ARID3A: variants seen among roughly 807,000 people sequenced by gnomAD.
The protein encoded by ARID3A is AT-rich interaction domain 3A.
In ARID3A, 11 loss-of-function variants were observed where a neutral mutation model predicts 52.7. The observed-to-expected ratio is 0.21, with a 90% confidence interval of 0.13 to 0.35. The LOEUF is 0.35. Among genes scored for constraint, ARID3A ranks in the 10% least tolerant of loss-of-function variants. ARID3A has a pLI of 1.00. For missense variants in ARID3A, 721 were observed against 838.5 expected (o/e 0.86, Z 1.73); for synonymous variants, 404 against 359.4 (o/e 1.12, Z -1.40).
chr19:952,715 G>T (rs980821308), intron 3 of ARID3A, among the ~76,000 whole-genome samples: 3 of 152,184 alleles, frequency 2.0e-5, no homozygotes, highest in African/African-American at 7.2e-5. Flanking sequence ...TCCCCAGGTG[G>T]GGCCTCATGG....
At chr19:963,272 C>T (rs1168051972) in intron 4 of ARID3A, among the ~76,000 whole-genome samples, 1 of 152,262 alleles carries the variant, frequency 6.6e-6, no homozygotes, top group Admixed American at 6.5e-5. Flanking sequence ...GCCTGGGCCA[C>T]CTGCCCTCAC....
rs946934867 is a variant in ARID3A at position 959,630 on chromosome 19, A to G, written c.694-462A>G. Reference sequence around the variant, plus strand: ...CGGGAGAATAGATTTCTGTTGCTTTAAGCTGCAACGTGTGGCTGTAAGGGA... The same window carrying G: ...CGGGAGAATAGATTTCTGTTGCTTTGAGCTGCAACGTGTGGCTGTAAGGGA... On this transcript the variant is annotated intron_variant, in intron 3 of 8. Coordinates refer to ENST00000263620, the MANE Select transcript of ARID3A (RefSeq NM_005224.3). This position sits in a 1 kb window ranked among gnomAD's most constrained non-coding sequence, Gnocchi z 5.0. 1.3e-5 allele frequency among the ~76,000 whole-genome samples: 2 copies of G among 152,102 alleles called. No individual in the cohort carries two copies. Among genetic ancestry groups the G allele is most frequent in the Admixed American group, 1.3e-4 (2 of 15,266 alleles).
At position 941,024 on chromosome 19, in the gene ARID3A, G is replaced by T. The variant is rs895883222; in HGVS notation, c.693+8282G>T. Among the ~76,000 whole-genome samples, 1 of 152,072 alleles carries T rather than the reference G, an allele frequency of 6.6e-6. No individual in the cohort carries two copies. Among genetic ancestry groups the T allele is most frequent in the Non-Finnish European group, 1.5e-5 (1 of 67,974 alleles). On this transcript the variant is annotated intron_variant, in intron 3 of 8. Coordinates refer to ENST00000263620, the MANE Select transcript of ARID3A (RefSeq NM_005224.3). This position sits in a 1 kb window ranked among gnomAD's most constrained non-coding sequence, Gnocchi z 6.9. ...AGCCTTATCTGGCCCCTGCGCCACCGCCTGGCCGTCGGGTCACCGCCGCGG... is the reference window on the plus strand; with the variant it reads ...AGCCTTATCTGGCCCCTGCGCCACCTCCTGGCCGTCGGGTCACCGCCGCGG...
rs2037637608 is a variant in ARID3A at position 944,639 on chromosome 19, A to G, written c.693+11897A>G. Among the ~76,000 whole-genome samples, 1 of 151,914 alleles carries G rather than the reference A, an allele frequency of 6.6e-6. No individual in the cohort carries two copies. The highest frequency in any genetic ancestry group is 6.6e-5 in the Admixed American group (1 of 15,256). On this transcript the variant is annotated intron_variant, in intron 3 of 8. Coordinates refer to ENST00000263620, the MANE Select transcript of ARID3A (RefSeq NM_005224.3). This position sits in a 1 kb window ranked among gnomAD's most constrained non-coding sequence, Gnocchi z 5.9. ...TTCATTGTCTGGTTTTCGGGGGTGG[A>G]TTTTGAGACAGGGTCTCGTGCTGTC...
chr19:938,622 G>T lies in ARID3A; in HGVS notation c.693+5880G>T, dbSNP rs866411323. Among the ~76,000 whole-genome samples, 4 of 152,216 alleles carry T rather than the reference G, an allele frequency of 2.6e-5. No homozygotes were observed. Among genetic ancestry groups the T allele is most frequent in the African/African-American group, 9.6e-5 (4 of 41,466 alleles). On this transcript the variant is annotated intron_variant, in intron 3 of 8. Coordinates refer to ENST00000263620, the MANE Select transcript of ARID3A (RefSeq NM_005224.3). This position sits in a 1 kb window ranked among gnomAD's most constrained non-coding sequence, Gnocchi z 4.0. ...TTTCTTTTTGTCTGGAATGAAAGTG[G>T]TTAGACCAGGCCAGACCTCAGTGCT...
At chr19:940,428 G>C (rs923285120) in intron 3 of ARID3A, among the ~76,000 whole-genome samples, 1 of 152,090 alleles carries the variant, frequency 6.6e-6, no homozygotes, top group African/African-American at 2.4e-5. Flanking sequence ...GGCAGAGCTT[G>C]AGGGCACTTG....
Position 964,535 on chromosome 19 carries a change from G to A in ARID3A, c.950+104G>A, listed in dbSNP as rs369992382. 1.1e-5 allele frequency: 15 copies of A among 1,412,940 alleles called. No homozygotes were observed. Among genetic ancestry groups the A allele is most frequent in the South Asian group, 1.4e-5 (1 of 71,894 alleles). The allele number at this position is 1,412,940 out of a possible 1,614,324, so 87.5% of individuals were successfully genotyped here. ...GGGGTGGTGGGCAGCTGCAGAGGAG[G>A]GGGCAGTGGGCAGCCGCAAAGGGCA... is the stretch of plus-strand genomic sequence containing the variant. On this transcript the variant is annotated intron_variant, in intron 5 of 8. Coordinates refer to ENST00000263620, the MANE Select transcript of ARID3A (RefSeq NM_005224.3). This position sits in a 1 kb window ranked among gnomAD's most constrained non-coding sequence, Gnocchi z 5.7.
chr19:951,515 C>T (rs1233912467), intron 3 of ARID3A, among the ~76,000 whole-genome samples: 2 of 152,008 alleles, frequency 1.3e-5, no homozygotes, highest in Non-Finnish European at 2.9e-5. Flanking sequence ...TGCATCACTG[C>T]ACTCCAGCCT....
rs1319002002 is a variant in ARID3A, at chr19:960,582, C to A, written c.766+418C>A. 6.6e-6 allele frequency among the ~76,000 whole-genome samples: 1 copy of A among 151,976 alleles called. No individual in the cohort carries two copies. The highest frequency in any genetic ancestry group is 1.5e-5 in the Non-Finnish European group (1 of 67,960). On this transcript the variant is annotated intron_variant, in intron 4 of 8. Coordinates refer to ENST00000263620, the MANE Select transcript of ARID3A (RefSeq NM_005224.3). The surrounding 1 kb of genome is among the most constrained non-coding windows in gnomAD (Gnocchi z 4.3). ...GGGTGCAGGTGCGGCAGGACAGAAGCCCCCCGCCCGGCCGCGAGATGGCTT... is the reference window on the plus strand; with the variant it reads ...GGGTGCAGGTGCGGCAGGACAGAAGACCCCCGCCCGGCCGCGAGATGGCTT...
rs2038362312 is a variant in ARID3A, at chr19:975,605, A to C, written c.*3540A>C. ...TCAGGTAATAGGAGGAAAAAAAAAA[A>C]AACTTAAAAAAATTTTTAAAAAACA... On this transcript the variant is annotated 3_prime_UTR_variant, in exon 9 of 9. Coordinates refer to ENST00000263620, the MANE Select transcript of ARID3A (RefSeq NM_005224.3). 2 of 214,932 alleles carry C rather than the reference A, an allele frequency of 9.3e-6. No individual in the cohort carries two copies. Among genetic ancestry groups the C allele is most frequent in the Non-Finnish European group, 1.9e-5 (2 of 106,752 alleles). 13.3% of individuals were successfully genotyped at this position (214,932 alleles called of 1,614,324 possible).
intron 3 of ARID3A, among the ~76,000 whole-genome samples, chr19:935,698 G>A (rs1185832822): frequency 6.6e-6 from 1 of 152,060 alleles, no homozygotes; most frequent in Admixed American, 6.5e-5. Context: ...AGAACTCCTG[G>A]GCTCAGGTGA....
chr19:966,639 G>T lies in ARID3A; in HGVS notation c.1266G>T (p.Val422=). ...CTGTGTCCCTGGCGGGCCACCCTGT[G>T]GTGGCAGCCCAGGCAGCAGCTGTGC... The part of the protein sequence containing the change: ...RLPVSLAGHP[V]VAAQAAAVQA... The change falls in exon 7 of 9, where the codon GTG becomes GTT. Residue 422 remains valine, a synonymous_variant. Transcript: ENST00000263620. 1 of 1,603,334 alleles carries T rather than the reference G, an allele frequency of 6.2e-7. No individual in the cohort carries two copies. Among genetic ancestry groups the T allele is most frequent in the Non-Finnish European group, 8.5e-7 (1 of 1,172,284 alleles).
chr19:955,735 C>G (rs1049742702), intron 3 of ARID3A, among the ~76,000 whole-genome samples: 2 of 152,098 alleles, frequency 1.3e-5, no homozygotes, highest in African/African-American at 4.8e-5. Flanking sequence ...GGGTAGACCC[C>G]GTAATACCGG....
chr19:948,424 C>G lies in ARID3A; in HGVS notation c.694-11668C>G, dbSNP rs572033852. ...GCGAGATTCAAAATCCCCCGGCCTC[C>G]CGGGGCCGCGGTCCTGCGGGGCCAC... On this transcript the variant is annotated intron_variant, in intron 3 of 8. Coordinates refer to ENST00000263620, the MANE Select transcript of ARID3A (RefSeq NM_005224.3). 7.2e-5 allele frequency among the ~76,000 whole-genome samples: 11 copies of G among 152,146 alleles called. No homozygotes were observed. The South Asian group carries it at 1.2e-3, about 17-fold the overall frequency.
chr19:934,140 T>C (rs956077804), intron 3 of ARID3A, among the ~76,000 whole-genome samples: 1 of 152,066 alleles, frequency 6.6e-6, no homozygotes, highest in Non-Finnish European at 1.5e-5. Flanking sequence ...AGCCCTGGGC[T>C]GGAGGGGCGG....
At position 947,140 on chromosome 19, in the gene ARID3A, G is replaced by T. The variant is rs921425937; in HGVS notation, c.694-12952G>T. Among the ~76,000 whole-genome samples, 6 of 152,140 alleles carry T rather than the reference G, an allele frequency of 3.9e-5. No homozygotes were observed. Among genetic ancestry groups the T allele is most frequent in the Non-Finnish European group, 8.8e-5 (6 of 68,014 alleles). On this transcript the variant is annotated intron_variant, in intron 3 of 8. Transcript: ENST00000263620. The surrounding 1 kb of genome is among the most constrained non-coding windows in gnomAD (Gnocchi z 6.3). ...AAATGTTTGCTGGGTGCCCCCCATT[G>T]CTGGGCACCGTGGGGTGGGGTGTGT... is the stretch of plus-strand genomic sequence containing the variant.
intron 1 of ARID3A, among the ~76,000 whole-genome samples, chr19:926,752 A>C (rs1335186245): frequency 6.6e-6 from 1 of 150,996 alleles, no homozygotes; most frequent in Non-Finnish European, 1.5e-5. Context: ...GACCCGTTTC[A>C]GGGCCCCCCA....
intron 3 of ARID3A, among the ~76,000 whole-genome samples, chr19:933,846 TGGG>T (rs1555726109): frequency 6.9e-5 from 3 of 43,262 alleles, no homozygotes; most frequent in Non-Finnish European, 9.5e-5. Context: ...GGGGACTCGG[TGGG>T]GGGGGGGGGC....
At chr19:970,510 T>C (rs898085215) in intron 8 of ARID3A, among the ~76,000 whole-genome samples, 3 of 139,426 alleles carry the variant, frequency 2.2e-5, no homozygotes, top group Admixed American at 7.0e-5. Context: ...TTTTTTTTTT[T>C]TTTTTTTTTT....
Sources: allele counts gnomAD v4.1 joint callset (sites outside exome capture counted in the v4.1 genomes callset), GRCh38; gene constraint gnomAD v4.1.1; non-coding constraint Gnocchi (gnomAD v3.1); transcripts MANE v1.5; gene names NCBI Gene and HGNC (gene_info 2026-07-23, HGNC 2026-07-21).